LRRTM4: variants seen among roughly 807,000 people sequenced by gnomAD.
LRRTM4 encodes the protein leucine rich repeat transmembrane neuronal 4.
Under a neutral mutation model 47.6 loss-of-function variants are expected in LRRTM4, and 25 were observed. That is an observed-to-expected ratio of 0.53 (90% confidence interval 0.38 to 0.73). The LOEUF (loss-of-function observed/expected upper bound fraction) is 0.73. LRRTM4 is among the 30% of genes least tolerant of loss of function. The probability of loss-of-function intolerance (pLI) is 0.00; values close to 1 mark genes in which losing one functional copy is unlikely to be tolerated. For missense variants in LRRTM4, 638 were observed against 713.4 expected, an observed-to-expected ratio of 0.89 and a Z score of 1.20; for synonymous variants, 311 against 269.5, an observed-to-expected ratio of 1.15 and a Z score of -1.51.
intron 3 of LRRTM4, among the ~76,000 whole-genome samples, chr2:77,022,047 C>A (rs2104106504): frequency 6.6e-6 from 1 of 152,144 alleles, no homozygotes; most frequent in East Asian, 1.9e-4. Flanking sequence ...ATACCCGAGA[C>A]TGGGAAGAAA....
At chr2:76,903,723 A>G (rs1673724241) in intron 3 of LRRTM4, among the ~76,000 whole-genome samples, 1 of 152,202 alleles carries the variant, frequency 6.6e-6, no homozygotes, top group East Asian at 1.9e-4. Flanking sequence ...ACATCTATAA[A>G]GCACTTTTAT....
intron 3 of LRRTM4, among the ~76,000 whole-genome samples, chr2:77,043,454 T>A (rs1679106003): frequency 6.6e-6 from 1 of 151,796 alleles, no homozygotes; most frequent in Non-Finnish European, 1.5e-5. Flanking sequence ...AATTTCTGGT[T>A]CCCTGAAGGG....
chr2:77,168,571 A>G (rs1672955802), intron 3 of LRRTM4, among the ~76,000 whole-genome samples: 1 of 152,134 alleles, frequency 6.6e-6, no homozygotes. Context: ...TATATTTCAA[A>G]TCTTTTAGAT....
intron 3 of LRRTM4, among the ~76,000 whole-genome samples, chr2:76,942,091 G>C (rs866590702): frequency 2.6e-5 from 4 of 152,086 alleles, no homozygotes; most frequent in East Asian, 3.9e-4. Context: ...TCATCTGTTT[G>C]TTGTCCACAT....
At chr2:77,201,356 A>G (rs1673969535) in intron 3 of LRRTM4, among the ~76,000 whole-genome samples, 1 of 152,072 alleles carries the variant, frequency 6.6e-6, no homozygotes, top group Non-Finnish European at 1.5e-5. Context: ...TTTTGCCTAG[A>G]GTTAGTTAAA....
chr2:76,914,487 A>G (rs1465216152), intron 3 of LRRTM4, among the ~76,000 whole-genome samples: 2 of 152,120 alleles, frequency 1.3e-5, no homozygotes, highest in South Asian at 2.1e-4. Flanking sequence ...GAATGAGTGC[A>G]TATTTTGTTT....
chr2:77,369,732 C>T (rs1381331893), intron 3 of LRRTM4, among the ~76,000 whole-genome samples: 1 of 151,708 alleles, frequency 6.6e-6, no homozygotes, highest in East Asian at 1.9e-4. Context: ...GTAGAGCCTA[C>T]TACCCACCTA....
intron 3 of LRRTM4, among the ~76,000 whole-genome samples, chr2:77,078,387 CA>C (rs1558566660): frequency 0.015 from 1,965 of 132,108 alleles, 16 homozygotes; most frequent in Non-Finnish European, 0.018. Context: ...CACCCACACA[CA>C]CACACACACA....
At chr2:77,116,280 G>GA (rs935599529) in intron 3 of LRRTM4, among the ~76,000 whole-genome samples, 3 of 144,904 alleles carry the variant, frequency 2.1e-5, no homozygotes, top group African/African-American at 7.7e-5. Context: ...AAAAAAAAAA[G>GA]AAAATTCAAA....
At chr2:77,040,770 A>AT (rs1679002362) in intron 3 of LRRTM4, among the ~76,000 whole-genome samples, 2 of 151,310 alleles carry the variant, frequency 1.3e-5, no homozygotes, top group Admixed American at 1.3e-4. Context: ...GCTTTAGTCC[A>AT]TTTTTTCCAT....
At chr2:76,935,129 C>T (rs996303452) in intron 3 of LRRTM4, among the ~76,000 whole-genome samples, 1 of 152,066 alleles carries the variant, frequency 6.6e-6, no homozygotes, top group African/African-American at 2.4e-5. Context: ...GCAGGAAAGA[C>T]AAAATATTAA....
intron 3 of LRRTM4, among the ~76,000 whole-genome samples, chr2:76,935,217 A>G (rs77257015): frequency 0.021 from 3,170 of 152,230 alleles, 98 homozygotes; most frequent in African/African-American, 0.068. Context: ...TTTCAGGCCA[A>G]ATTGTATATT....
intron 3 of LRRTM4, among the ~76,000 whole-genome samples, chr2:77,513,275 A>G (rs779668845): frequency 3.3e-5 from 5 of 152,114 alleles, no homozygotes; most frequent in Non-Finnish European, 5.9e-5. Flanking sequence ...CTCATTGACA[A>G]ATGAATGTAA....
rs180993484 is a variant in LRRTM4, at chr2:76,913,816, G to A, written c.1552-164900C>T. Among the ~76,000 whole-genome samples, 770 of 152,076 alleles carry A rather than the reference G, an allele frequency of 5.1e-3. 5 individuals carry two copies. The highest frequency in any genetic ancestry group is 8.2e-3 in the Non-Finnish European group (555 of 67,984). ...GGCCTCCCAAAGTGCTGGGATTACA[G>A]GCGTGAACCACCATGCCCAGCCGCT... On this transcript the variant is annotated intron_variant, in intron 3 of 3. Coordinates refer to ENST00000409884, the MANE Select transcript of LRRTM4 (RefSeq NM_001134745.3).
At chr2:77,182,828 T>C (rs975749582) in intron 3 of LRRTM4, among the ~76,000 whole-genome samples, 2 of 152,096 alleles carry the variant, frequency 1.3e-5, no homozygotes, top group Admixed American at 6.6e-5. Context: ...AAACAAGAAA[T>C]GGGGAAAGGA....
chr2:76,922,816 T>C (rs947134747), intron 3 of LRRTM4, among the ~76,000 whole-genome samples: 2 of 152,122 alleles, frequency 1.3e-5, no homozygotes, highest in African/African-American at 2.4e-5. Flanking sequence ...GCAGCCATGA[T>C]GTAACTATAC....
intron 3 of LRRTM4, among the ~76,000 whole-genome samples, chr2:77,294,121 C>T (rs1255959847): frequency 6.6e-6 from 1 of 151,920 alleles, no homozygotes; most frequent in Non-Finnish European, 1.5e-5. Flanking sequence ...GGATTGTAGA[C>T]CCTTACGTAT....
chr2:77,163,734 A>C (rs1253570037), intron 3 of LRRTM4, among the ~76,000 whole-genome samples: 1 of 152,170 alleles, frequency 6.6e-6, no homozygotes, highest in African/African-American at 2.4e-5. Context: ...AGGATAAATA[A>C]AACCCTTTAC....
intron 3 of LRRTM4, among the ~76,000 whole-genome samples, chr2:77,005,449 G>C (rs191586834): frequency 3.3e-5 from 5 of 152,218 alleles, no homozygotes; most frequent in Non-Finnish European, 7.4e-5. Flanking sequence ...GGCTGATTGT[G>C]TTTTAATATG....
Sources: allele counts gnomAD v4.1 joint callset (sites outside exome capture counted in the v4.1 genomes callset), GRCh38; gene constraint gnomAD v4.1.1; transcripts MANE v1.5; gene names NCBI Gene and HGNC (gene_info 2026-07-23, HGNC 2026-07-21).